ADAM17: variants seen among roughly 807,000 people sequenced by gnomAD.
The protein encoded by ADAM17 is ADAM metallopeptidase domain 17.
A neutral mutation model predicts 96.7 loss-of-function variants in ADAM17; 39 were observed. The ratio of observed to expected loss-of-function variants is 0.40; its 90% CI spans 0.31 to 0.53. ADAM17 has a LOEUF of 0.53. Among genes scored for constraint, ADAM17 ranks in the 20% least tolerant of loss-of-function variants. The probability of loss-of-function intolerance (pLI) is 0.44; values close to 1 mark genes in which losing one functional copy is unlikely to be tolerated. For synonymous variants in ADAM17, 344 were observed against 359.2 expected (o/e 0.96, Z 0.48); for missense variants, 777 against 1,013.2 (o/e 0.77, Z 3.17).
chr2:9,534,053 C>T (rs1327478451), intron 4 of ADAM17, among the ~76,000 whole-genome samples: 1 of 152,192 alleles, frequency 6.6e-6, no homozygotes, highest in Admixed American at 6.5e-5. Flanking sequence ...CACTACAATA[C>T]CTTTTATTTC....
intron 17 of ADAM17, among the ~76,000 whole-genome samples, chr2:9,491,660 A>G (rs1456206745): frequency 6.6e-6 from 1 of 152,096 alleles, no homozygotes; most frequent in Non-Finnish European, 1.5e-5. Flanking sequence ...CAATCCCTAC[A>G]TCCTACTTCT....
chr2:9,519,081 T>C (rs1439537773), intron 8 of ADAM17, among the ~76,000 whole-genome samples: 1 of 152,124 alleles, frequency 6.6e-6, no homozygotes, highest in Admixed American at 6.6e-5. Flanking sequence ...AATTTTTGTA[T>C]TTTTTGTACA....
chr2:9,522,362 T>G (rs1664350229), intron 7 of ADAM17: 1 of 546,570 alleles, frequency 1.8e-6, no homozygotes, highest in Non-Finnish European at 3.4e-6. Flanking sequence ...AGGAACTGGT[T>G]TGACAATAAA....
chr2:9,534,028 G>A (rs760598454), intron 4 of ADAM17, among the ~76,000 whole-genome samples: 12 of 152,162 alleles, frequency 7.9e-5, no homozygotes, highest in Admixed American at 2.0e-4. Flanking sequence ...ACCAAAAGGT[G>A]TGCCCAAGGC....
At chr2:9,502,103 T>G in intron 13 of ADAM17, 70 bp downstream of exon 13, 3 of 1,345,538 alleles carry the variant, frequency 2.2e-6, no homozygotes, top group Non-Finnish European at 2.1e-6. Context: ...GAACAAAACA[T>G]AATCTTGTTT....
chr2:9,499,018 A>G (rs768622816), intron 13 of ADAM17, among the ~76,000 whole-genome samples: 31 of 152,224 alleles, frequency 2.0e-4, no homozygotes, highest in Middle Eastern at 3.4e-3. Flanking sequence ...CAGTAGATCC[A>G]GGGAGGGGAC....
intron 1 of ADAM17, among the ~76,000 whole-genome samples, chr2:9,545,207 G>A (rs1017545363): frequency 1.3e-5 from 2 of 152,110 alleles, no homozygotes; most frequent in South Asian, 2.1e-4. Context: ...ACAGAAATCC[G>A]CCCAGTGGGA....
chr2:9,505,246 C>T lies in ADAM17; in HGVS notation c.1464G>A (p.Glu488=), dbSNP rs1279333511. 1.2e-6 allele frequency: 2 copies of T among 1,614,094 alleles called. No individual in the cohort carries two copies. Among genetic ancestry groups the T allele is most frequent in the East Asian group, 4.5e-5 (2 of 44,898 alleles). Residue 488 remains glutamate (E), a synonymous_variant, in exon 12 of 19, where the codon GAG becomes GAA. Coordinates refer to ENST00000310823, the MANE Select transcript of ADAM17 (RefSeq NM_003183.6). ...CGNSRVDEGE[E]CDPGIMYLNN... is the part of the protein sequence containing the mutation. ...TCAGATACATGATGCCAGGATCACA[C>T]TCTTCTCCTTCATCCACCCTCGAGT...
At position 9,505,432 on chromosome 2, in the gene ADAM17, G is replaced by T; in HGVS notation, c.1345-67C>A. The T allele has an allele frequency of 2.0e-6, 3 of 1,488,106 alleles. No individual in the cohort carries two copies. In the South Asian group the frequency reaches 3.4e-5, roughly 17 times the overall value. The allele number at this position is 1,488,106 out of a possible 1,614,324, so 92.2% of individuals were successfully genotyped here. A position where few individuals can be genotyped will look rare whatever the true frequency, so the allele number is the denominator to read the frequency against. On this transcript the variant is annotated intron_variant, in intron 11 of 18. Coordinates refer to ENST00000310823, the MANE Select transcript of ADAM17 (RefSeq NM_003183.6). ...AAAAATGTATTCCCATGCAATGTTT[G>T]TGTCTTCTCTAGAGACAAACTCTTA...
At chr2:9,550,435 C>T (rs1299302417) in intron 1 of ADAM17, among the ~76,000 whole-genome samples, 1 of 141,328 alleles carries the variant, frequency 7.1e-6, no homozygotes, top group Non-Finnish European at 1.5e-5. Flanking sequence ...ATCCGATACT[C>T]ATTCTTTTTT....
At chr2:9,499,111 TTC>T (rs1483496334) in intron 13 of ADAM17, among the ~76,000 whole-genome samples, 1 of 31,740 alleles carries the variant, frequency 3.2e-5, no homozygotes, top group African/African-American at 1.7e-4. Flanking sequence ...TTCTTTCTTC[TTC>T]TTTTTTTTTT....
intron 1 of ADAM17, among the ~76,000 whole-genome samples, chr2:9,546,311 A>T (rs10495565): frequency 6.6e-6 from 1 of 152,040 alleles, no homozygotes. Context: ...TAAAATACTT[A>T]ACTAATGCAT....
rs76389284 is a variant in ADAM17 at position 9,533,778 on chromosome 2, T to C, written c.450+2056A>G. ...CCTGTATAATTCTCTAGCTCTGTTTTCTTTCTGTGAGAACTACAGAGGACA... is the reference window on the plus strand; with the variant it reads ...CCTGTATAATTCTCTAGCTCTGTTTCCTTTCTGTGAGAACTACAGAGGACA... On this transcript the variant is annotated intron_variant, in intron 4 of 18. Coordinates refer to ENST00000310823, the MANE Select transcript of ADAM17 (RefSeq NM_003183.6). Among the ~76,000 whole-genome samples the C allele has an allele frequency of 2.4e-3, 372 of 152,334 alleles. 1 individual carries two copies. The highest frequency in any genetic ancestry group is 8.6e-3 in the African/African-American group (357 of 41,584).
At chr2:9,498,114 C>T (rs1038598639) in intron 13 of ADAM17, among the ~76,000 whole-genome samples, 1 of 152,232 alleles carries the variant, frequency 6.6e-6, no homozygotes, top group Non-Finnish European at 1.5e-5. Flanking sequence ...ACTGCAGCCT[C>T]AAACTCCTAG....
At chr2:9,518,991 G>A (rs916568065) in intron 8 of ADAM17, among the ~76,000 whole-genome samples, 6 of 151,784 alleles carry the variant, frequency 4.0e-5, no homozygotes, top group African/African-American at 9.7e-5. Flanking sequence ...CTGCAGCCTC[G>A]ACCTCCCAGG....
At chr2:9,513,526 A>G (rs1663857719) in intron 10 of ADAM17, among the ~76,000 whole-genome samples, 1 of 152,002 alleles carries the variant, frequency 6.6e-6, no homozygotes, top group Non-Finnish European at 1.5e-5. Flanking sequence ...ATCTGATACT[A>G]TTTCCGGGTG....
At chr2:9,522,815 G>A (rs1341208065) in intron 7 of ADAM17, among the ~76,000 whole-genome samples, 1 of 152,084 alleles carries the variant, frequency 6.6e-6, no homozygotes, top group African/African-American at 2.4e-5. Context: ...GAAATCAGAA[G>A]GAGATATCTG....
chr2:9,507,989 G>A (rs1477697237), intron 11 of ADAM17, among the ~76,000 whole-genome samples: 1 of 152,180 alleles, frequency 6.6e-6, no homozygotes, highest in Non-Finnish European at 1.5e-5. Context: ...TGGGATTACA[G>A]GTGTGAGCCA....
At chr2:9,519,131 C>A (rs1664200437) in intron 8 of ADAM17, among the ~76,000 whole-genome samples, 1 of 152,200 alleles carries the variant, frequency 6.6e-6, no homozygotes, top group South Asian at 2.1e-4. Flanking sequence ...TGGGCTCAAA[C>A]AATCCACTGC....
Sources: allele counts gnomAD v4.1 joint callset (sites outside exome capture counted in the v4.1 genomes callset), GRCh38; gene constraint gnomAD v4.1.1; transcripts MANE v1.5; gene names NCBI Gene and HGNC (gene_info 2026-07-23, HGNC 2026-07-21).